The following CMYA5 variants were observed in gnomAD, a reference collection of about 807,000 sequenced individuals.
CMYA5 encodes cardiomyopathy-associated protein 5.
In CMYA5, 246 loss-of-function variants were observed where a neutral mutation model predicts 318.9. The ratio of observed to expected loss-of-function variants is 0.77; its 90% CI spans 0.70 to 0.86. The LOEUF is 0.86. CMYA5 is among the 40% of genes least tolerant of loss of function. The pLI is 0.00. For missense variants in CMYA5, 4,589 were observed against 4,678.2 expected, an observed-to-expected ratio of 0.98 and a Z score of 0.56; for synonymous variants, 1,641 against 1,729.5, an observed-to-expected ratio of 0.95 and a Z score of 1.27.
intron 5 of CMYA5, among the ~76,000 whole-genome samples, chr5:79,748,529 CTAT>C (rs1480958101): frequency 1.5e-5 from 2 of 130,956 alleles, no homozygotes; most frequent in African/African-American, 7.9e-5. Context: ...ACCTATCTAT[CTAT>C]CTATCTATCT....
At chr5:79,778,819 G>GTGTGTGTGTGTA (rs1561228896) in intron 9 of CMYA5, among the ~76,000 whole-genome samples, 22 of 115,026 alleles carry the variant, frequency 1.9e-4, no homozygotes, top group East Asian at 4.8e-4. Flanking sequence ...TTCTGTGTGT[G>GTGTGTGTGTGTA]TGTGTGTGTG....
chr5:79,702,492 T>A (rs72768873), intron 1 of CMYA5, among the ~76,000 whole-genome samples: 19,949 of 152,140 alleles, frequency 0.13, 1,964 homozygotes, highest in Admixed American at 0.26. Flanking sequence ...GTAAAATAAG[T>A]CAGATACAAA....
intron 1 of CMYA5, among the ~76,000 whole-genome samples, chr5:79,716,181 G>A (rs1266521840): frequency 6.6e-6 from 1 of 152,192 alleles, no homozygotes; most frequent in Admixed American, 6.5e-5. Flanking sequence ...GATTTGACTA[G>A]TAGAATTACT....
At position 79,732,318 on chromosome 5, in the gene CMYA5, G is replaced by A. The variant is rs1827931478; in HGVS notation, c.3553G>A (p.Glu1185Lys). Residue 1185 changes from glutamate to lysine, a missense_variant, in exon 2 of 13, where the codon GAA becomes AAA. Coordinates refer to ENST00000446378, the MANE Select transcript of CMYA5 (RefSeq NM_153610.5). Reference sequence around the variant, plus strand: ...AGTCCCTGCAATCAAGAAAGAACAGGAACCCACAGCAGCACTCACTCTAAA... The same window carrying A: ...AGTCCCTGCAATCAAGAAAGAACAGAAACCCACAGCAGCACTCACTCTAAA... ...DSVPAIKKEQ[E>K]PTAALTLKAA... 6.2e-7 allele frequency: 1 copy of A among 1,613,740 alleles called. No homozygotes were observed. Among genetic ancestry groups the A allele is most frequent in the Non-Finnish European group, 8.5e-7 (1 of 1,179,830 alleles).
intron 1 of CMYA5, among the ~76,000 whole-genome samples, chr5:79,696,353 C>A (rs1038240628): frequency 6.6e-6 from 1 of 152,144 alleles, no homozygotes; most frequent in African/African-American, 2.4e-5. Context: ...GAAAATTTTT[C>A]TATTAAGACA....
chr5:79,705,599 T>C (rs549598612), intron 1 of CMYA5, among the ~76,000 whole-genome samples: 1 of 152,278 alleles, frequency 6.6e-6, no homozygotes, highest in East Asian at 1.9e-4. Flanking sequence ...GCAAATATTT[T>C]AAACTTGATT....
At chr5:79,749,204 A>T (rs947063232) in intron 5 of CMYA5, among the ~76,000 whole-genome samples, 35 of 152,212 alleles carry the variant, frequency 2.3e-4, no homozygotes, top group African/African-American at 8.2e-4. Context: ...TGGGCTAACC[A>T]TTATTTTCCT....
chr5:79,730,371 T>C lies in CMYA5; in HGVS notation c.1606T>C (p.Tyr536His). ...LVEEEIVELDYPESPLVSEKP... is the reference protein window; with the variant it reads ...LVEEEIVELDHPESPLVSEKP... ...AGAAGAAGAGATCGTAGAACTTGAT[T>C]ACCCAGAAAGCCCATTGGTTTCCGA... The change falls in exon 2 of 13, where the codon TAC (tyrosine) becomes CAC (histidine). Residue 536 changes from tyrosine to histidine, a missense_variant. By Grantham distance (83) the Tyr-to-His change is moderately conservative. Transcript: ENST00000446378. 6.2e-7 allele frequency: 1 copy of C among 1,613,910 alleles called. No homozygotes were observed. Among genetic ancestry groups the C allele is most frequent in the Non-Finnish European group, 8.5e-7 (1 of 1,179,874 alleles).
Position 79,730,302 on chromosome 5 carries a change from C to A in CMYA5, c.1537C>A (p.Leu513Ile). Reference sequence around the variant, plus strand: ...AGAGAAAGAAGAAATAGAAACTTCCCTACCCATAGCTATTACCCCTGAACC... The same window carrying A: ...AGAGAAAGAAGAAATAGAAACTTCCATACCCATAGCTATTACCCCTGAACC... The part of the protein sequence containing the change: ...EPEKEEIETS[L>I]PIAITPEPED... Residue 513 changes from leucine to isoleucine, a missense_variant, in exon 2 of 13, where the codon CTA becomes ATA. Around this residue, in one of 3 missense-constraint regions of CMYA5, gnomAD observed 2,132 missense variants for 2,131.3 expected, o/e 1.00. Transcript: ENST00000446378. 1 of 1,613,836 alleles carries A rather than the reference C, an allele frequency of 6.2e-7. No individual in the cohort carries two copies. The highest frequency in any genetic ancestry group is 8.5e-7 in the Non-Finnish European group (1 of 1,179,850).
rs141406058 is a variant in CMYA5 at position 79,725,277 on chromosome 5, G to A, written c.150-3638G>A. 3.8e-3 allele frequency among the ~76,000 whole-genome samples: 572 copies of A among 152,312 alleles called. 3 individuals are homozygous for A. The highest frequency in any genetic ancestry group is 0.03 in the South Asian group (143 of 4,824). On this transcript the variant is annotated intron_variant, in intron 1 of 12. Transcript: ENST00000446378. ...GTACATATACACCATGGAATACTAT[G>A]CAGCCATAAATAAGAATTAAATCAT...
chr5:79,790,244 T>C (rs1829151866), intron 10 of CMYA5, among the ~76,000 whole-genome samples: 1 of 151,712 alleles, frequency 6.6e-6, no homozygotes, highest in South Asian at 2.1e-4. Flanking sequence ...TGTTAGAGTC[T>C]CTCCTTTAGG....
chr5:79,713,204 G>A (rs1268512146), intron 1 of CMYA5, among the ~76,000 whole-genome samples: 6 of 152,108 alleles, frequency 3.9e-5, no homozygotes, highest in Non-Finnish European at 8.8e-5. Context: ...GTCACAACCT[G>A]GGATGGGGTA....
chr5:79,749,919 CTG>C (rs965367151), intron 5 of CMYA5, among the ~76,000 whole-genome samples: 28 of 152,312 alleles, frequency 1.8e-4, no homozygotes, highest in Middle Eastern at 6.8e-3. Flanking sequence ...TGCTTAAAAA[CTG>C]TGTCACGCTA....
At chr5:79,726,639 C>CTA (rs1283469606) in intron 1 of CMYA5, among the ~76,000 whole-genome samples, 4 of 152,154 alleles carry the variant, frequency 2.6e-5, no homozygotes, top group Non-Finnish European at 5.9e-5. Context: ...TGGCTGCTTG[C>CTA]TATTGCAGGC....
At chr5:79,751,055 C>T (rs551882729) in intron 5 of CMYA5, among the ~76,000 whole-genome samples, 4 of 152,066 alleles carry the variant, frequency 2.6e-5, no homozygotes, top group Non-Finnish European at 5.9e-5. Flanking sequence ...TGCTGTCTTC[C>T]CTCACTAGAC....
chr5:79,730,667 G>A lies in CMYA5; in HGVS notation c.1902G>A (p.Glu634=). Residue 634 remains glutamate (E), a synonymous_variant, in exon 2 of 13, where the codon GAG becomes GAA. Coordinates refer to ENST00000446378, the MANE Select transcript of CMYA5 (RefSeq NM_153610.5). ...IAEHAVLSEE[E]NEEFEAYSPA... ...AACATGCAGTTTTGTCAGAAGAAGA[G>A]AATGAGGAATTTGAGGCTTATTCCC... 2.5e-6 allele frequency: 4 copies of A among 1,613,992 alleles called. No homozygotes were observed. The highest frequency in any genetic ancestry group is 3.4e-6 in the Non-Finnish European group (4 of 1,179,886).
chr5:79,731,310 G>A lies in CMYA5; in HGVS notation c.2545G>A (p.Val849Ile). ...EVIGPSSPDL[V>I]VASEHSFPPH... ...CATTGGACCATCTTCCCCAGATTTG[G>A]TTGTTGCATCTGAACACTCTTTCCC... Residue 849 changes from valine to isoleucine, a missense_variant, in exon 2 of 13, where the codon GTT becomes ATT. This residue lies in a region of CMYA5 where 2,132 missense variants were observed against 2,131.3 expected (regional missense o/e 1.00). Transcript: ENST00000446378. 1 of 1,613,536 alleles carries A rather than the reference G, an allele frequency of 6.2e-7. No individual in the cohort carries two copies. The highest frequency in any genetic ancestry group is 8.5e-7 in the Non-Finnish European group (1 of 1,179,802).
chr5:79,709,752 G>A (rs1457530600), intron 1 of CMYA5, among the ~76,000 whole-genome samples: 6 of 151,690 alleles, frequency 4.0e-5, no homozygotes, highest in Admixed American at 3.9e-4. Context: ...GAGGTCAGGA[G>A]TTTGAGACCA....
rs571708071 is a variant in CMYA5 at position 79,751,869 on chromosome 5, C to G, written c.10992-807C>G. 5.1e-3 allele frequency among the ~76,000 whole-genome samples: 778 copies of G among 152,302 alleles called. 2 individuals carry two copies. Among genetic ancestry groups the G allele is most frequent in the South Asian group, 0.016 (76 of 4,828 alleles). ...ACTCTCTGAGGAGCTGACATTTGAACAGAGATCTAAATTAAGTCAAGGAAG... is the reference window on the plus strand; with the variant it reads ...ACTCTCTGAGGAGCTGACATTTGAAGAGAGATCTAAATTAAGTCAAGGAAG... On this transcript the variant is annotated intron_variant, in intron 5 of 12. Coordinates refer to ENST00000446378, the MANE Select transcript of CMYA5 (RefSeq NM_153610.5).
Sources: gnomAD v4.1 joint callset for allele counts (sites outside exome capture counted in the v4.1 genomes callset) on GRCh38, gnomAD v4.1.1 for gene constraint, gnomAD v4.1.1 regional missense constraint, MANE v1.5 for transcripts, NCBI Gene and HGNC (gene_info 2026-07-23, HGNC 2026-07-21) for gene names.